The following RGS12 variants were observed in gnomAD, a reference collection of about 807,000 sequenced individuals.
RGS12 encodes regulator of G-protein signaling 12.
RGS12 carries 66 observed loss-of-function variants against 120.1 expected under a neutral mutation model. The observed-to-expected ratio is 0.55, with a 90% CI of 0.45 to 0.67. RGS12 has a LOEUF of 0.67. Among genes scored for constraint, RGS12 ranks in the 30% least tolerant of loss-of-function variants. The pLI, the probability that RGS12 is intolerant of heterozygous loss-of-function variation, is 0.00. For missense variants in RGS12, 1,859 were observed against 1,957.7 expected (o/e 0.95, Z 0.95); for synonymous variants, 827 against 804.7 (o/e 1.03, Z -0.47).
intron 3 of RGS12, among the ~76,000 whole-genome samples, chr4:3,358,575 A>ATCAG (rs1007997474): frequency 4.3e-4 from 65 of 152,062 alleles, no homozygotes; most frequent in African/African-American, 1.4e-3. Context: ...ATTTTTTTGC[A>ATCAG]TCAGTTAATG....
At chr4:3,320,863 C>A (rs1007549063) in intron 2 of RGS12, among the ~76,000 whole-genome samples, 1 of 152,126 alleles carries the variant, frequency 6.6e-6, no homozygotes, top group Admixed American at 6.5e-5. Context: ...CGATCAGGGC[C>A]CCACCTGGAC....
intron 4 of RGS12, among the ~76,000 whole-genome samples, chr4:3,396,584 G>A (rs762373035): frequency 6.6e-6 from 1 of 152,048 alleles, no homozygotes; most frequent in Non-Finnish European, 1.5e-5. Context: ...TATATTTGTG[G>A]GTCTGTTTCT....
upstream of RGS12, among the ~76,000 whole-genome samples, chr4:3,290,386 C>A (rs78471473): frequency 6.6e-6 from 1 of 152,196 alleles, no homozygotes; most frequent in Non-Finnish European, 1.5e-5. Context: ...TCTTCTCCCC[C>A]GCCCCTGCCA....
At chr4:3,431,176 G>A in intron 17 of RGS12, 1 of 1,408,188 alleles carries the variant, frequency 7.1e-7, no homozygotes, top group Non-Finnish European at 9.2e-7. Context: ...GAGGCGCTCT[G>A]GGCAGGCATC....
intron 3 of RGS12, chr4:3,378,669 T>C (rs1481479225): frequency 6.6e-6 from 1 of 152,200 alleles, no homozygotes; most frequent in Non-Finnish European, 1.5e-5. Flanking sequence ...GGTCTCAGCA[T>C]CACCCATCAC....
intron 2 of RGS12, among the ~76,000 whole-genome samples, chr4:3,325,586 A>G (rs1031544522): frequency 6.6e-6 from 1 of 152,250 alleles, no homozygotes; most frequent in Admixed American, 6.5e-5. Flanking sequence ...AGGGCAAGAT[A>G]GATTCACAGC....
At position 3,316,863 on chromosome 4, in the gene RGS12, C is replaced by A. The variant is rs371897206; in HGVS notation, c.693C>A (p.Ile231=). ...CAAGTATTTTAAACGTGGCGATGAT[C>A]GTGGGCTACTTAGGCTCCATTGAGC... is the stretch of plus-strand genomic sequence containing the variant. ...LDASILNVAM[I]VGYLGSIELP... is the part of the protein sequence containing the mutation. Residue 231 remains isoleucine (I), a synonymous_variant, in exon 2 of 18, where the codon ATC becomes ATA. Coordinates refer to ENST00000336727, the MANE Select transcript of RGS12 (RefSeq NM_001394154.1). The A allele has an allele frequency of 1.6e-5, 26 of 1,614,062 alleles. No homozygotes were observed. Among genetic ancestry groups the A allele is most frequent in the Non-Finnish European group, 2.1e-5 (25 of 1,180,052 alleles).
At chr4:3,289,808 C>T (rs1486675616), upstream of RGS12, among the ~76,000 whole-genome samples, 1 of 152,194 alleles carries the variant, frequency 6.6e-6, no homozygotes, top group Non-Finnish European at 1.5e-5. Flanking sequence ...ACCAATGTCT[C>T]CCCAATTCCT....
At chr4:3,356,448 C>A (rs1367584131) in intron 3 of RGS12, among the ~76,000 whole-genome samples, 9 of 152,076 alleles carry the variant, frequency 5.9e-5, no homozygotes, top group Non-Finnish European at 1.5e-5. Context: ...TAAACTCTTT[C>A]ATAATGTGCA....
chr4:3,422,456 C>T lies in RGS12; in HGVS notation c.2919C>T (p.Ser973=). ...GCATTCATCTCCCGGATGGGACATC[C>T]TGCGTGGTGGCTGTCAAGGCGGGCT... ...HCCIHLPDGT[S]CVVAVKAGFS... is the part of the protein sequence containing the mutation. The change falls in exon 11 of 18, where the codon TCC becomes TCT. Residue 973 remains serine, a synonymous_variant. Coordinates refer to ENST00000336727, the MANE Select transcript of RGS12 (RefSeq NM_001394154.1). 1 of 1,613,186 alleles carries T rather than the reference C, an allele frequency of 6.2e-7. No individual in the cohort carries two copies. The highest frequency in any genetic ancestry group is 1.1e-5 in the South Asian group (1 of 91,090).
chr4:3,299,053 G>C (rs1178000267), intron 1 of RGS12, among the ~76,000 whole-genome samples: 8 of 152,098 alleles, frequency 5.3e-5, no homozygotes. Context: ...CATTGTAGAT[G>C]GTAACTGTAG....
chr4:3,430,610 C>G lies in RGS12; in HGVS notation c.3769C>G (p.Pro1257Ala), dbSNP rs918758274. ...CAACGGCCGGGAGAGCGCCTCCCAG[C>G]CTGGCGAGCAGTGGGAGCCAGTCCA... ...TGNGRESASQ[P>A]GEQWEPVQES... Residue 1257 changes from proline to alanine, a missense_variant, in exon 17 of 18, where the codon CCT (proline) becomes GCT (alanine). Pro to Ala is a conservative substitution (Grantham distance 27). Around this residue, in one of 3 missense-constraint regions of RGS12, gnomAD observed 517 missense variants for 488.5 expected, o/e 1.06. Coordinates refer to ENST00000336727, the MANE Select transcript of RGS12 (RefSeq NM_001394154.1). The G allele has an allele frequency of 1.4e-5, 22 of 1,611,076 alleles. No individual in the cohort carries two copies. The highest frequency in any genetic ancestry group is 1.9e-5 in the Non-Finnish European group (22 of 1,179,226).
intron 3 of RGS12, among the ~76,000 whole-genome samples, chr4:3,369,184 G>A (rs997853604): frequency 6.6e-5 from 10 of 152,162 alleles, no homozygotes; most frequent in African/African-American, 1.4e-4. Flanking sequence ...CCTGCCCCCC[G>A]CCCCTGCAGA....
chr4:3,285,961 G>A, the RGS12 span, among the ~76,000 whole-genome samples: 2 of 152,236 alleles, frequency 1.3e-5, no homozygotes, highest in East Asian at 3.9e-4. Flanking sequence ...CAGATGGAGG[G>A]AGCCACGGCT....
At chr4:3,357,964 T>A (rs1031698420) in intron 3 of RGS12, among the ~76,000 whole-genome samples, 6 of 152,202 alleles carry the variant, frequency 3.9e-5, no homozygotes, top group Non-Finnish European at 8.8e-5. Context: ...CTTAACTATA[T>A]CAAGTCTGTC....
intron 4 of RGS12, among the ~76,000 whole-genome samples, chr4:3,397,087 C>CCAGCATTAATG (rs1232122484): frequency 2.0e-5 from 3 of 152,194 alleles, no homozygotes; most frequent in Admixed American, 6.5e-5. Context: ...AAGTATCTAA[C>CCAGCATTAATG]ACCAGCATTA....
At chr4:3,339,361 G>A (rs1430908512) in intron 2 of RGS12, among the ~76,000 whole-genome samples, 1 of 152,128 alleles carries the variant, frequency 6.6e-6, no homozygotes, top group African/African-American at 2.4e-5. Flanking sequence ...ACATGCCTGT[G>A]GTCCCAGCTA....
At chr4:3,428,813 C>A in intron 16 of RGS12, 102 bp downstream of exon 16, 2 of 1,014,552 alleles carry the variant, frequency 2.0e-6, no homozygotes, top group Non-Finnish European at 2.9e-6. Flanking sequence ...TGGGTGACTG[C>A]GGTCCGTCCC....
rs565047911 is a variant in RGS12 at position 3,369,714 on chromosome 4, C to T, written c.1999-16702C>T. Among the ~76,000 whole-genome samples, 3 of 152,254 alleles carry T rather than the reference C, an allele frequency of 2.0e-5. No individual in the cohort carries two copies. The South Asian group carries it at 6.2e-4, about 32-fold the overall frequency. ...TAGTTTTCTTTTTCTTTCCTCCTTC[C>T]TTTTTAGAGCCAGGATCCATCATGG... On this transcript the variant is annotated intron_variant, in intron 3 of 17. Transcript: ENST00000336727.
Sources: allele counts gnomAD v4.1 joint callset (sites outside exome capture counted in the v4.1 genomes callset), GRCh38; gene constraint gnomAD v4.1.1; regional missense constraint gnomAD v4.1.1; transcripts MANE v1.5; gene names NCBI Gene and HGNC (gene_info 2026-07-23, HGNC 2026-07-21).